Variants in DNAAF9 observed in about 807,000 individuals in gnomAD.
DNAAF9 encodes the protein dynein axonemal assembly factor 9.
DNAAF9 carries 90 observed loss-of-function variants against 167.0 expected under a neutral mutation model. That is an observed-to-expected ratio of 0.54 (90% confidence interval 0.45 to 0.64). The LOEUF is 0.64. DNAAF9 is among the 30% of genes least tolerant of loss of function. The pLI is 0.00. For missense variants in DNAAF9, 1,315 were observed against 1,442.2 expected (o/e 0.91, Z 1.43); for synonymous variants, 491 against 508.8 (o/e 0.96, Z 0.47).
chr20:3,256,336 G>A, intron 33 of DNAAF9, 125 bp from the exon 34 acceptor site: 1 of 710,758 alleles, frequency 1.4e-6, no homozygotes, highest in Non-Finnish European at 2.4e-6. Flanking sequence ...GAACTGATGT[G>A]ACTGGTGGCA....
intron 1 of DNAAF9, among the ~76,000 whole-genome samples, chr20:3,406,119 A>G (rs2084051406): frequency 6.6e-6 from 1 of 152,150 alleles, no homozygotes; most frequent in African/African-American, 2.4e-5. Context: ...TCTATCCTTT[A>G]TTTGTTCAAC....
At chr20:3,326,173 A>G in intron 13 of DNAAF9, 24 bp downstream of exon 13, 1 of 1,442,112 alleles carries the variant, frequency 6.9e-7, no homozygotes, top group Non-Finnish European at 9.8e-7. Flanking sequence ...AATTACAGAA[A>G]GGGAAACATG....
intron 3 of DNAAF9, among the ~76,000 whole-genome samples, chr20:3,378,205 A>G (rs2083600929): frequency 6.6e-6 from 1 of 152,222 alleles, no homozygotes; most frequent in South Asian, 2.1e-4. Flanking sequence ...GCAGGGAAAC[A>G]GCACCAAATA....
In DNAAF9 at chr20:3,340,742, G is replaced by A. The variant is rs141350583; in HGVS notation, c.846-103C>T. On this transcript the variant is annotated intron_variant, in intron 9 of 36. Coordinates refer to ENST00000252032, the MANE Select transcript of DNAAF9 (RefSeq NM_001009984.3). The stretch of plus-strand genomic sequence containing the variant: ...TCAGGCTTTTCTGAGGGACACTTGC[G>A]GCCTGAGCAAAGTGGTCAGTCAGTA... 314 of 1,083,106 alleles carry A rather than the reference G, an allele frequency of 2.9e-4. 2 individuals carry two copies. In the East Asian group the frequency reaches 6.2e-3, roughly 21 times the overall value. 67.1% of individuals were successfully genotyped at this position (1,083,106 alleles called of 1,614,324 possible). A position where few individuals can be genotyped will look rare whatever the true frequency, so the allele number is the denominator to read the frequency against.
chr20:3,268,897 CTTTTTTTTTT>C (rs386393120), intron 30 of DNAAF9, among the ~76,000 whole-genome samples: 13 of 85,852 alleles, frequency 1.5e-4, no homozygotes, highest in Non-Finnish European at 2.4e-4. Context: ...CTCTATGTTA[CTTTTTTTTTT>C]TTTTTTTTTT....
At chr20:3,361,856 A>C in intron 6 of DNAAF9, 3 of 1,449,048 alleles carry the variant, frequency 2.1e-6, no homozygotes, top group Non-Finnish European at 2.9e-6. Flanking sequence ...GGGAAGGGGA[A>C]GGGCCTGTGG....
chr20:3,349,444 G>A (rs1024504185), intron 7 of DNAAF9, among the ~76,000 whole-genome samples: 2 of 152,114 alleles, frequency 1.3e-5, no homozygotes, highest in Admixed American at 1.3e-4. Context: ...CTGTTGGGAG[G>A]AATTTATTTA....
At chr20:3,253,912 T>TA in intron 35 of DNAAF9, 93 bp from the exon 36 acceptor site, 4 of 754,144 alleles carry the variant, frequency 5.3e-6, no homozygotes, top group East Asian at 5.4e-5. Flanking sequence ...CCTAGCAAGA[T>TA]AGACTACTCT....
At chr20:3,344,582 CACACACAT>C (rs1371866556) in intron 8 of DNAAF9, among the ~76,000 whole-genome samples, 17 of 101,480 alleles carry the variant, frequency 1.7e-4, no homozygotes, top group South Asian at 3.6e-4. Flanking sequence ...GGAAAAAATA[CACACACAT>C]ACACACACAC....
intron 33 of DNAAF9, among the ~76,000 whole-genome samples, chr20:3,256,698 A>C (rs894392317): frequency 4.6e-5 from 7 of 152,216 alleles, no homozygotes; most frequent in African/African-American, 1.7e-4. Flanking sequence ...CACTTGTGGC[A>C]TTTGAAAGTC....
At chr20:3,268,660 G>A (rs943138334) in intron 30 of DNAAF9, among the ~76,000 whole-genome samples, 1 of 151,808 alleles carries the variant, frequency 6.6e-6, no homozygotes, top group Non-Finnish European at 1.5e-5. Flanking sequence ...ATTTAATTTA[G>A]TTTTTTCCCT....
chr20:3,316,030 G>A, intron 18 of DNAAF9: 1 of 556,258 alleles, frequency 1.8e-6, no homozygotes, highest in Non-Finnish European at 3.2e-6. Flanking sequence ...ATGACAAGCA[G>A]AGGGGATGTG....
chr20:3,318,499 C>A, intron 16 of DNAAF9, 99 bp from the exon 17 acceptor site: 1 of 659,782 alleles, frequency 1.5e-6, no homozygotes, highest in Non-Finnish European at 2.8e-6. Context: ...AGGAACATGG[C>A]AAAAGAGTAC....
chr20:3,387,130 A>C (rs1445268274), intron 1 of DNAAF9, among the ~76,000 whole-genome samples: 1 of 152,182 alleles, frequency 6.6e-6, no homozygotes, highest in South Asian at 2.1e-4. Context: ...TCAAATCCCA[A>C]TGATGTTTTT....
At chr20:3,395,526 C>T (rs577032201) in intron 1 of DNAAF9, among the ~76,000 whole-genome samples, 5 of 152,096 alleles carry the variant, frequency 3.3e-5, no homozygotes, top group East Asian at 1.9e-4. Flanking sequence ...AGCAATCCAC[C>T]GCCTTGGCCT....
At chr20:3,311,682 T>C (rs1431250806) in intron 20 of DNAAF9, among the ~76,000 whole-genome samples, 2 of 152,174 alleles carry the variant, frequency 1.3e-5, no homozygotes, top group African/African-American at 4.8e-5. Context: ...ATCCTAGGAA[T>C]ACTGAGCAAA....
At chr20:3,362,289 A>G in intron 6 of DNAAF9, 1 of 1,180,330 alleles carries the variant, frequency 8.5e-7, no homozygotes, top group Admixed American at 1.8e-5. Context: ...GGAAATTGCA[A>G]GGGACTTTTA....
chr20:3,261,587 T>TG, intron 31 of DNAAF9, among the ~76,000 whole-genome samples: 1 of 151,672 alleles, frequency 6.6e-6, no homozygotes, highest in South Asian at 2.1e-4. Context: ...AGGCTGGTCT[T>TG]GAACTCCTGA....
In DNAAF9 at chr20:3,298,110, T is replaced by C. The variant is rs750717543; in HGVS notation, c.1848A>G (p.Pro616=). The C allele has an allele frequency of 6.2e-7, 1 of 1,612,548 alleles. No homozygotes were observed. Among genetic ancestry groups the C allele is most frequent in the Non-Finnish European group, 8.5e-7 (1 of 1,178,602 alleles). Residue 616 remains proline (P), a synonymous_variant, in exon 22 of 37, where the codon CCA becomes CCG. Transcript: ENST00000252032. ...AATTGCTTGATCCATGGAAATGAACTGGGAGGTGAGGAAGCAATGAGCTTT... is the reference window on the plus strand; with the variant it reads ...AATTGCTTGATCCATGGAAATGAACCGGGAGGTGAGGAAGCAATGAGCTTT... The part of the protein sequence containing the change: ...DFKSSLLPHL[P]VHFHGSSNFL...
Sources: allele counts gnomAD v4.1 joint callset (sites outside exome capture counted in the v4.1 genomes callset), GRCh38; gene constraint gnomAD v4.1.1; transcripts MANE v1.5; gene names NCBI Gene and HGNC (gene_info 2026-07-23, HGNC 2026-07-21).